Variants in PDE4D observed in about 807,000 individuals in gnomAD.
PDE4D encodes the protein phosphodiesterase 4D.
Under a neutral mutation model 87.4 loss-of-function variants are expected in PDE4D, and 24 were observed. That is an observed-to-expected ratio of 0.27 (90% CI 0.20 to 0.39). The LOEUF is 0.39. Among genes scored for constraint, PDE4D ranks in the 10% least tolerant of loss-of-function variants. The pLI is 1.00. For synonymous variants in PDE4D, 384 were observed against 383.2 expected, an observed-to-expected ratio of 1.00 and a Z score of -0.02; for missense variants, 714 against 1,041.0, an observed-to-expected ratio of 0.69 and a Z score of 4.32.
intron 5 of PDE4D, among the ~76,000 whole-genome samples, chr5:59,168,506 G>A (rs1432982685): frequency 6.6e-6 from 1 of 152,152 alleles, no homozygotes; most frequent in African/African-American, 2.4e-5. Flanking sequence ...ATACCCCCTG[G>A]CAGGAATCCT....
At chr5:60,123,881 A>G (rs1455691668) in intron 2 of PDE4D, among the ~76,000 whole-genome samples, 2 of 152,224 alleles carry the variant, frequency 1.3e-5, no homozygotes, top group African/African-American at 2.4e-5. Context: ...TAAAATTCCA[A>G]ATAAATTAAA....
chr5:60,131,649 C>G (rs1381547243), intron 2 of PDE4D, among the ~76,000 whole-genome samples: 2 of 152,228 alleles, frequency 1.3e-5, no homozygotes, highest in Non-Finnish European at 2.9e-5. Flanking sequence ...AGAAGCAGAG[C>G]TGATCAACTG....
At chr5:60,392,257 A>T (rs1762605607) in intron 1 of PDE4D, among the ~76,000 whole-genome samples, 1 of 152,232 alleles carries the variant, frequency 6.6e-6, no homozygotes, top group Non-Finnish European at 1.5e-5. Flanking sequence ...AAGTTTGAAC[A>T]AATTACAAAC....
intron 1 of PDE4D, among the ~76,000 whole-genome samples, chr5:59,222,650 T>G (rs1752805526): frequency 6.6e-6 from 1 of 152,168 alleles, no homozygotes; most frequent in Non-Finnish European, 1.5e-5. Flanking sequence ...CACTACATAG[T>G]AAGAACAATG....
At chr5:59,324,045 C>T (rs1775195032) in intron 1 of PDE4D, among the ~76,000 whole-genome samples, 1 of 152,192 alleles carries the variant, frequency 6.6e-6, no homozygotes, top group South Asian at 2.1e-4. Context: ...ACTGTGTCTA[C>T]CTGATACCCT....
intron 1 of PDE4D, among the ~76,000 whole-genome samples, chr5:59,413,457 C>CAAAAAAAAAAAAAAA (rs34074485): frequency 5.3e-4 from 29 of 54,420 alleles, no homozygotes; most frequent in African/African-American, 2.3e-3. Context: ...GACTCCATCT[C>CAAAAAAAAAAAAAAA]AAAAAAAAAA....
chr5:59,856,630 C>A (rs1303999148), intron 1 of PDE4D, among the ~76,000 whole-genome samples: 2 of 152,144 alleles, frequency 1.3e-5, no homozygotes, highest in Admixed American at 1.3e-4. Context: ...CTGAATTTTG[C>A]ATTTAATTTG....
chr5:59,638,178 AT>A (rs1740919664), intron 1 of PDE4D, among the ~76,000 whole-genome samples: 1 of 152,108 alleles, frequency 6.6e-6, no homozygotes, highest in African/African-American at 2.4e-5. Flanking sequence ...AGTTGGGTTT[AT>A]TTTTTTCTGG....
chr5:59,707,282 T>TAA (rs1422183877), intron 1 of PDE4D, among the ~76,000 whole-genome samples: 4 of 152,164 alleles, frequency 2.6e-5, no homozygotes, highest in Non-Finnish European at 5.9e-5. Flanking sequence ...GAATAAATTC[T>TAA]TTAATGCAAC....
At chr5:59,355,500 T>A (rs910832666) in intron 1 of PDE4D, among the ~76,000 whole-genome samples, 4 of 152,174 alleles carry the variant, frequency 2.6e-5, no homozygotes, top group Non-Finnish European at 5.9e-5. Context: ...GTTCTAAATG[T>A]ACAATTTAGC....
chr5:60,337,351 CTATATATATATA>C (rs748923956), intron 1 of PDE4D, among the ~76,000 whole-genome samples: 8 of 62,260 alleles, frequency 1.3e-4, no homozygotes, highest in South Asian at 1.1e-3. Context: ...AACAAACAAA[CTATATATATATA>C]TATATATATA....
chr5:59,753,433 C>G (rs572178144), intron 1 of PDE4D, among the ~76,000 whole-genome samples: 64 of 152,080 alleles, frequency 4.2e-4, no homozygotes, highest in Middle Eastern at 3.4e-3. Context: ...AAGGGGGGCA[C>G]AGTAAGCTTG....
chr5:59,165,318 G>T (rs1223519124), intron 5 of PDE4D, among the ~76,000 whole-genome samples: 1 of 152,044 alleles, frequency 6.6e-6, no homozygotes, highest in Non-Finnish European at 1.5e-5. Flanking sequence ...CTGTTATCCA[G>T]GCTGGAGTGC....
At chr5:59,672,554 A>T (rs1250592591) in intron 1 of PDE4D, among the ~76,000 whole-genome samples, 1 of 152,194 alleles carries the variant, frequency 6.6e-6, no homozygotes, top group Admixed American at 6.5e-5. Flanking sequence ...ACACTCAATT[A>T]AATTCATCAC....
At chr5:59,141,867 G>C (rs1052134105) in intron 5 of PDE4D, among the ~76,000 whole-genome samples, 1 of 152,140 alleles carries the variant, frequency 6.6e-6, no homozygotes, top group African/African-American at 2.4e-5. Context: ...TGCAGTTATA[G>C]CTTCAGGGGC....
chr5:59,469,202 C>A (rs1270385877), intron 1 of PDE4D, among the ~76,000 whole-genome samples: 4 of 151,938 alleles, frequency 2.6e-5, no homozygotes, highest in East Asian at 1.9e-4. Flanking sequence ...GTAGCGGGTG[C>A]CTGTAGTCCC....
At chr5:60,139,374 T>C (rs1780324786) in intron 2 of PDE4D, among the ~76,000 whole-genome samples, 1 of 152,114 alleles carries the variant, frequency 6.6e-6, no homozygotes, top group African/African-American at 2.4e-5. Context: ...ATGTGCATAT[T>C]CCAAGTTCAT....
At chr5:60,174,918 G>T (rs1039581461) in intron 2 of PDE4D, among the ~76,000 whole-genome samples, 15 of 151,926 alleles carry the variant, frequency 9.9e-5, no homozygotes, top group African/African-American at 3.4e-4. Flanking sequence ...TATATATCTT[G>T]CTTGATATAC....
intron 1 of PDE4D, among the ~76,000 whole-genome samples, chr5:60,355,634 C>A: frequency 6.6e-6 from 1 of 152,088 alleles, no homozygotes; most frequent in Non-Finnish European, 1.5e-5. Flanking sequence ...AACTTAACTA[C>A]TAATAGGCTA....
Sources: allele counts gnomAD v4.1 joint callset (sites outside exome capture counted in the v4.1 genomes callset), GRCh38; gene constraint gnomAD v4.1.1; transcripts MANE v1.5; gene names NCBI Gene and HGNC (gene_info 2026-07-23, HGNC 2026-07-21).